Variants in CNBD1 observed in about 807,000 individuals in gnomAD.
CNBD1 encodes the protein cyclic nucleotide-binding domain-containing protein 1.
In CNBD1, 71 loss-of-function variants were observed where a neutral mutation model predicts 54.4. The observed-to-expected ratio is 1.30, with a 90% confidence interval of 1.08 to 1.59. The LOEUF (loss-of-function observed/expected upper bound fraction) is 1.59. Among genes scored for constraint, CNBD1 ranks in the 40% most tolerant of loss-of-function variants. The pLI is 0.00. For synonymous variants in CNBD1, 182 were observed against 170.7 expected (o/e 1.07, Z -0.51); for missense variants, 659 against 518.0 (o/e 1.27, Z -2.64).
intron 4 of CNBD1, among the ~76,000 whole-genome samples, chr8:87,030,034 T>C (rs1809747072): frequency 6.6e-6 from 1 of 152,194 alleles, no homozygotes; most frequent in Non-Finnish European, 1.5e-5. Context: ...ACTCTGTTCA[T>C]TGAATTTAAC....
chr8:87,235,145 G>C (rs551251673), intron 5 of CNBD1, among the ~76,000 whole-genome samples: 2 of 152,222 alleles, frequency 1.3e-5, no homozygotes, highest in East Asian at 1.9e-4. Context: ...CCTTGTTCTG[G>C]ATTAGGTTTC....
chr8:86,971,601 T>A (rs904206830), intron 4 of CNBD1, among the ~76,000 whole-genome samples: 11 of 152,186 alleles, frequency 7.2e-5, no homozygotes, highest in African/African-American at 2.7e-4. Context: ...CTCAAGAACA[T>A]GGTGTATATT....
At chr8:87,393,035 G>T (rs1811340381) in intron 2 of CNBD1, among the ~76,000 whole-genome samples, 1 of 151,906 alleles carries the variant, frequency 6.6e-6, no homozygotes, top group African/African-American at 2.4e-5. Context: ...TTAGGACTGT[G>T]TGATGACTCC....
At chr8:87,260,250 C>G (rs538536090) in intron 6 of CNBD1, among the ~76,000 whole-genome samples, 1 of 152,192 alleles carries the variant, frequency 6.6e-6, no homozygotes, top group South Asian at 2.1e-4. Context: ...AAGGCAGAGA[C>G]CAAGAGAAAG....
At chr8:86,965,178 A>G (rs976054924) in intron 4 of CNBD1, among the ~76,000 whole-genome samples, 3 of 152,228 alleles carry the variant, frequency 2.0e-5, no homozygotes, top group African/African-American at 7.2e-5. Flanking sequence ...CAACATTCTT[A>G]ACATTTTAAT....
intron 10 of CNBD1, among the ~76,000 whole-genome samples, chr8:87,360,393 A>G (rs531445285): frequency 1.3e-5 from 2 of 151,986 alleles, no homozygotes; most frequent in African/African-American, 4.8e-5. Flanking sequence ...TCCTTCTCAG[A>G]CATTGCCTTG....
intron 4 of CNBD1, among the ~76,000 whole-genome samples, chr8:87,125,379 A>G (rs546461208): frequency 1.5e-4 from 23 of 151,974 alleles, no homozygotes; most frequent in African/African-American, 4.6e-4. Context: ...ATTTCAAACC[A>G]TATTATAAAG....
At chr8:87,401,540 T>A (rs1477751370) in intron 2 of CNBD1, among the ~76,000 whole-genome samples, 1 of 152,110 alleles carries the variant, frequency 6.6e-6, no homozygotes, top group Non-Finnish European at 1.5e-5. Context: ...GCATTGTTTA[T>A]CTTTCTTGTT....
intron 6 of CNBD1, among the ~76,000 whole-genome samples, chr8:87,259,613 A>G (rs1206007348): frequency 5.3e-5 from 8 of 152,214 alleles, no homozygotes; most frequent in Admixed American, 5.2e-4. Context: ...TATAAACATT[A>G]CATACACAAC....
intron 4 of CNBD1, among the ~76,000 whole-genome samples, chr8:87,113,800 T>TC (rs1321898143): frequency 6.6e-6 from 1 of 151,836 alleles, no homozygotes; most frequent in Non-Finnish European, 1.5e-5. Flanking sequence ...GCGCCTGTAG[T>TC]CCCAGCTACT....
intron 8 of CNBD1, among the ~76,000 whole-genome samples, chr8:87,305,288 C>T (rs1809118827): frequency 6.6e-6 from 1 of 152,104 alleles, no homozygotes; most frequent in Admixed American, 6.6e-5. Context: ...AAATCCCATG[C>T]TCATGGATGG....
chr8:87,211,921 A>C (rs879328957), intron 5 of CNBD1, among the ~76,000 whole-genome samples: 3 of 152,226 alleles, frequency 2.0e-5, no homozygotes, highest in Admixed American at 6.5e-5. Flanking sequence ...CAAAGGAAGG[A>C]TAACTTGAAG....
chr8:87,365,363 A>G (rs1810622712), intron 10 of CNBD1, among the ~76,000 whole-genome samples: 1 of 151,584 alleles, frequency 6.6e-6, no homozygotes, highest in African/African-American at 2.4e-5. Context: ...TTGCTTGTAC[A>G]TTTGTTTAAG....
intron 4 of CNBD1, among the ~76,000 whole-genome samples, chr8:87,083,682 G>T (rs941266712): frequency 6.7e-6 from 1 of 148,448 alleles, no homozygotes; most frequent in Non-Finnish European, 1.5e-5. Context: ...TCCGCCTCCC[G>T]GGTTCACTCC....
intron 4 of CNBD1, among the ~76,000 whole-genome samples, chr8:87,119,579 T>C (rs1811849796): frequency 6.6e-6 from 1 of 152,154 alleles, no homozygotes; most frequent in African/African-American, 2.4e-5. Context: ...TATTTTTTTC[T>C]CTTGCCTGAT....
At chr8:87,265,695 G>A (rs1025343011) in intron 6 of CNBD1, among the ~76,000 whole-genome samples, 1 of 151,976 alleles carries the variant, frequency 6.6e-6, no homozygotes, top group Non-Finnish European at 1.5e-5. Context: ...ATGGAACACA[G>A]CCACATCCAT....
At chr8:87,370,446 G>T (rs943424413) in intron 10 of CNBD1, among the ~76,000 whole-genome samples, 1 of 152,080 alleles carries the variant, frequency 6.6e-6, no homozygotes, top group Non-Finnish European at 1.5e-5. Flanking sequence ...GTATCTCATT[G>T]TGGTTTTGAT....
At chr8:86,969,982 T>A (rs1301980472) in intron 4 of CNBD1, among the ~76,000 whole-genome samples, 6 of 152,078 alleles carry the variant, frequency 3.9e-5, no homozygotes. Context: ...ATTATTGTGG[T>A]CTGCTGATGG....
chr8:87,042,736 A>G (rs1810098359), intron 4 of CNBD1, among the ~76,000 whole-genome samples: 1 of 152,160 alleles, frequency 6.6e-6, no homozygotes, highest in South Asian at 2.1e-4. Context: ...TTCACTAACA[A>G]TTATGTGTTA....
Sources: allele counts gnomAD v4.1 joint callset (sites outside exome capture counted in the v4.1 genomes callset), GRCh38; gene constraint gnomAD v4.1.1; transcripts MANE v1.5; gene names NCBI Gene and HGNC (gene_info 2026-07-23, HGNC 2026-07-21).